TDRD5: variants seen among roughly 807,000 people sequenced by gnomAD.
TDRD5 encodes tudor domain containing 5.
Under a neutral mutation model 120.6 loss-of-function variants are expected in TDRD5, and 41 were observed. The ratio of observed to expected loss-of-function variants is 0.34; its 90% CI spans 0.26 to 0.44. The LOEUF (loss-of-function observed/expected upper bound fraction) is 0.44, where lower values mean the gene tolerates loss of function less well. Among genes scored for constraint, TDRD5 ranks in the 20% least tolerant of loss-of-function variants. TDRD5 has a pLI of 1.00. For synonymous variants in TDRD5, 430 were observed against 433.7 expected (o/e 0.99, Z 0.11); for missense variants, 1,006 against 1,221.2 (o/e 0.82, Z 2.63).
At chr1:179,681,764 G>A (rs998970122) in intron 17 of TDRD5, among the ~76,000 whole-genome samples, 19 of 148,620 alleles carry the variant, frequency 1.3e-4, no homozygotes, top group African/African-American at 3.5e-4. Flanking sequence ...CCTTCGCCCC[G>A]TTTTCTTGTA....
chr1:179,678,129 C>T (rs1012275046), intron 17 of TDRD5, among the ~76,000 whole-genome samples: 5 of 151,988 alleles, frequency 3.3e-5, no homozygotes, highest in Admixed American at 1.3e-4. Context: ...ATTACACCCC[C>T]AGGGGGATTA....
chr1:179,669,280 A>T lies in TDRD5; in HGVS notation c.2736A>T (p.Ser912=). ...CCTCTCTTACCCAGTCAGAGCAGTC[A>T]GCAGACGGGAGCCAGTCTGAACCCA... The part of the protein sequence containing the change: ...FCTSLTQSEQ[S]ADGSQSEPNN... Residue 912 remains serine, a synonymous_variant, in exon 17 of 18, where the codon TCA becomes TCT. Transcript: ENST00000444136. 2.5e-6 allele frequency: 4 copies of T among 1,614,194 alleles called. No homozygotes were observed. The highest frequency in any genetic ancestry group is 3.4e-6 in the Non-Finnish European group (4 of 1,180,036).
intron 17 of TDRD5, 26 bp from the exon 18 acceptor site, chr1:179,690,670 A>G: frequency 6.2e-7 from 1 of 1,604,752 alleles, no homozygotes; most frequent in Non-Finnish European, 8.5e-7. Context: ...CCTTGAAAAG[A>G]TGTTTGTGTA....
intron 6 of TDRD5, among the ~76,000 whole-genome samples, chr1:179,628,660 A>G (rs1677272381): frequency 6.6e-6 from 1 of 152,090 alleles, no homozygotes; most frequent in African/African-American, 2.4e-5. Context: ...AAAGCATAAC[A>G]AAGGAATTAG....
chr1:179,643,340 G>A (rs560588844), intron 11 of TDRD5, among the ~76,000 whole-genome samples: 13 of 152,212 alleles, frequency 8.5e-5, no homozygotes, highest in African/African-American at 3.1e-4. Flanking sequence ...AAAAAAACAG[G>A]AAAATGTGAC....
At chr1:179,592,939 C>T in intron 2 of TDRD5, 92 bp downstream of exon 2, 1 of 1,282,420 alleles carries the variant, frequency 7.8e-7, no homozygotes, top group Admixed American at 2.2e-5. Flanking sequence ...ATTATGCATC[C>T]CAGCCAGTGG....
intron 14 of TDRD5, among the ~76,000 whole-genome samples, chr1:179,659,591 G>A: frequency 1.5e-5 from 1 of 65,836 alleles, no homozygotes; most frequent in African/African-American, 4.7e-5. Context: ...GTGTGTGTGT[G>A]CGCGCGCTTG....
chr1:179,651,412 G>A lies in TDRD5; in HGVS notation c.2001+345G>A, dbSNP rs776285630. 5.3e-5 allele frequency among the ~76,000 whole-genome samples: 8 copies of A among 152,224 alleles called. 1 individual carries two copies. The highest frequency in any genetic ancestry group is 4.4e-5 in the Non-Finnish European group (3 of 68,008). On this transcript the variant is annotated intron_variant, in intron 12 of 17. Transcript: ENST00000444136. ...TGGGAGGTGGAGGTTGCAGTGAGCC[G>A]AGATGGTGCTACTGCACTCCAGCCT... is the stretch of plus-strand genomic sequence containing the variant.
rs542501545 is a variant in TDRD5 at position 179,603,525 on chromosome 1, C to T, written c.831+7707C>T. Among the ~76,000 whole-genome samples, 4 of 152,236 alleles carry T rather than the reference C, an allele frequency of 2.6e-5. No individual in the cohort carries two copies. In the South Asian group the frequency reaches 8.3e-4, roughly 32 times the overall value. The stretch of plus-strand genomic sequence containing the variant: ...TTGGCTGTGGGTTTGTCATAGATGG[C>T]TTTTATTACATTGAGCTATGTCCCT... On this transcript the variant is annotated intron_variant, in intron 4 of 17. Transcript: ENST00000444136.
chr1:179,602,385 C>A (rs1197581839), intron 4 of TDRD5, among the ~76,000 whole-genome samples: 3 of 152,064 alleles, frequency 2.0e-5, no homozygotes, highest in African/African-American at 2.4e-5. Context: ...TGTCCTTAGC[C>A]CACTTCTTGA....
At chr1:179,650,672 A>G (rs1010984215) in intron 11 of TDRD5, among the ~76,000 whole-genome samples, 195 bp from the exon 12 acceptor site, 4 of 152,124 alleles carry the variant, frequency 2.6e-5, no homozygotes, top group Non-Finnish European at 5.9e-5. Flanking sequence ...CAGTAATTAC[A>G]TTTTTTATCA....
chr1:179,672,395 T>C (rs1180272720), intron 17 of TDRD5, among the ~76,000 whole-genome samples: 1 of 152,238 alleles, frequency 6.6e-6, no homozygotes, highest in Non-Finnish European at 1.5e-5. Context: ...CATATGCTTG[T>C]TGACCATTTG....
rs1447956765 is a variant in TDRD5 at position 179,654,295 on chromosome 1, A to AT, written c.2256dup (p.Lys753Ter). 1.3e-6 allele frequency: 2 copies of AT among 1,549,852 alleles called. No homozygotes were observed. The highest frequency in any genetic ancestry group is 1.7e-6 in the Non-Finnish European group (2 of 1,146,616). On this transcript the variant is annotated frameshift_variant, in exon 14 of 18. Coordinates refer to ENST00000444136, the MANE Select transcript of TDRD5 (RefSeq NM_001199085.3). LOFTEE classifies it high-confidence loss of function. ...GAATTTGAGTCTTTGAAAACCTGTA[A>AT]TAAGAGCTTTGAAGAAGATCCAAAG...
At chr1:179,655,082 C>A (rs6672701) in intron 14 of TDRD5, among the ~76,000 whole-genome samples, 57,298 of 151,988 alleles carry the variant, frequency 0.38, 10,843 homozygotes, top group Admixed American at 0.44. Flanking sequence ...TCCCAGAGCA[C>A]CCACGTTTAT....
intron 17 of TDRD5, among the ~76,000 whole-genome samples, chr1:179,686,164 A>C (rs1335757488): frequency 1.3e-5 from 2 of 152,166 alleles, no homozygotes; most frequent in Non-Finnish European, 2.9e-5. Context: ...ATTCAGTATG[A>C]TATTGGCTGT....
chr1:179,685,634 G>A (rs1055065239), intron 17 of TDRD5, among the ~76,000 whole-genome samples: 1 of 152,170 alleles, frequency 6.6e-6, no homozygotes, highest in South Asian at 2.1e-4. Flanking sequence ...ACCTTGGGCA[G>A]TATGGCCGTT....
At chr1:179,600,296 A>G (rs962972583) in intron 4 of TDRD5, among the ~76,000 whole-genome samples, 5 of 152,158 alleles carry the variant, frequency 3.3e-5, no homozygotes, top group Non-Finnish European at 7.4e-5. Context: ...CTTTATACAG[A>G]TGTGCCATTT....
intron 17 of TDRD5, among the ~76,000 whole-genome samples, chr1:179,681,558 T>G (rs1273027624): frequency 6.6e-6 from 1 of 152,120 alleles, no homozygotes; most frequent in Non-Finnish European, 1.5e-5. Flanking sequence ...GTGTATAAAT[T>G]GGGGTTCAGC....
chr1:179,651,970 A>G, intron 12 of TDRD5, 69 bp from the exon 13 acceptor site: 1 of 1,498,098 alleles, frequency 6.7e-7, no homozygotes, highest in East Asian at 2.3e-5. Flanking sequence ...GAAAGTTATT[A>G]AGTGCTTTCT....
Sources: allele counts gnomAD v4.1 joint callset (sites outside exome capture counted in the v4.1 genomes callset), GRCh38; gene constraint gnomAD v4.1.1; transcripts MANE v1.5; gene names NCBI Gene and HGNC (gene_info 2026-07-23, HGNC 2026-07-21).